The following DOCK3 variants were observed in gnomAD, a reference collection of about 807,000 sequenced individuals.
DOCK3 encodes the protein dedicator of cytokinesis 3.
Under a neutral mutation model 265.6 loss-of-function variants are expected in DOCK3, and 60 were observed. The observed-to-expected ratio is 0.23, with a 90% CI of 0.18 to 0.28. The LOEUF is 0.28. Ranked by LOEUF, DOCK3 falls within the 10% of genes least tolerant of loss-of-function variation. DOCK3 has a pLI of 1.00. For synonymous variants in DOCK3, 881 were observed against 938.0 expected, an observed-to-expected ratio of 0.94 and a Z score of 1.11; for missense variants, 1,981 against 2,594.3, an observed-to-expected ratio of 0.76 and a Z score of 5.14.
intron 9 of DOCK3, among the ~76,000 whole-genome samples, chr3:51,099,859 T>G (rs1421286209): frequency 1.3e-5 from 2 of 152,180 alleles, no homozygotes; most frequent in African/African-American, 4.8e-5. Flanking sequence ...AATAAGATTG[T>G]CAGGGTAGGC....
chr3:51,361,736 A>C lies in DOCK3; in HGVS notation c.5007-123A>C, dbSNP rs763942529. ...CCTCAGATGGGTATGAGCATTGACTATGGAACCCTCCAAACCGGTGGTAGC... is the reference window on the plus strand; with the variant it reads ...CCTCAGATGGGTATGAGCATTGACTCTGGAACCCTCCAAACCGGTGGTAGC... On this transcript the variant is annotated intron_variant, in intron 47 of 52. Transcript: ENST00000266037. The surrounding 1 kb of genome is among the most constrained non-coding windows in gnomAD (Gnocchi z 4.2). 20 of 1,338,540 alleles carry C rather than the reference A, an allele frequency of 1.5e-5. No homozygotes were observed. Among genetic ancestry groups the C allele is most frequent in the Non-Finnish European group, 1.5e-5 (15 of 986,568 alleles). The allele number at this position is 1,338,540 out of a possible 1,614,324, so 82.9% of individuals were successfully genotyped here.
intron 9 of DOCK3, among the ~76,000 whole-genome samples, chr3:51,107,430 G>A (rs568313498): frequency 2.0e-5 from 3 of 152,188 alleles, no homozygotes; most frequent in African/African-American, 4.8e-5. Context: ...TCAGAAGAAC[G>A]TTGAAACACA....
At chr3:51,272,612 C>T (rs965821297) in intron 24 of DOCK3, among the ~76,000 whole-genome samples, 1 of 151,718 alleles carries the variant, frequency 6.6e-6, no homozygotes, top group Non-Finnish European at 1.5e-5. Flanking sequence ...TGTGTAAGAA[C>T]AAAAATTTCT....
In DOCK3 at chr3:51,271,069, G is replaced by A. The variant is rs1042740098; in HGVS notation, c.2548+62G>A. ...AGGGGTGTCCTCCTTCCTTCCAGGGGTGATAGCAAAGTGATAATCAAAGGA... is the reference window on the plus strand; with the variant it reads ...AGGGGTGTCCTCCTTCCTTCCAGGGATGATAGCAAAGTGATAATCAAAGGA... On this transcript the variant is annotated intron_variant, in intron 24 of 52. Transcript: ENST00000266037. The A allele has an allele frequency of 2.0e-6, 3 of 1,512,032 alleles. No homozygotes were observed. The African/African-American group carries it at 4.2e-5, about 21-fold the overall frequency. The allele number at this position is 1,512,032 out of a possible 1,614,324, so 93.7% of individuals were successfully genotyped here.
chr3:50,699,354 C>G (rs2035873059), intron 1 of DOCK3, among the ~76,000 whole-genome samples: 1 of 152,006 alleles, frequency 6.6e-6, no homozygotes, highest in Non-Finnish European at 1.5e-5. Context: ...GTTGAGCCTT[C>G]CAACTTTGTG....
intron 5 of DOCK3, among the ~76,000 whole-genome samples, chr3:51,001,130 C>T (rs556753530): frequency 7.2e-5 from 11 of 152,320 alleles, no homozygotes; most frequent in African/African-American, 2.6e-4. Flanking sequence ...CTTGATTGAG[C>T]TGCCAAATAT....
chr3:50,763,822 C>G (rs2040687846), intron 1 of DOCK3, among the ~76,000 whole-genome samples: 2 of 152,014 alleles, frequency 1.3e-5, no homozygotes, highest in Admixed American at 1.3e-4. Context: ...TTGATATTTT[C>G]AAAGAACTAA....
chr3:50,701,643 G>C (rs2036047787), intron 1 of DOCK3, among the ~76,000 whole-genome samples: 1 of 152,068 alleles, frequency 6.6e-6, no homozygotes, highest in Admixed American at 6.6e-5. Context: ...TGAGGTCTTA[G>C]TCATAAAATC....
chr3:51,052,359 G>A (rs1350758205), intron 5 of DOCK3, among the ~76,000 whole-genome samples: 3 of 152,074 alleles, frequency 2.0e-5, no homozygotes, highest in Admixed American at 1.3e-4. Flanking sequence ...CAAAAAATTA[G>A]CTGGGCATGG....
intron 32 of DOCK3, among the ~76,000 whole-genome samples, chr3:51,321,621 G>C (rs946003562): frequency 6.6e-6 from 1 of 152,134 alleles, no homozygotes; most frequent in African/African-American, 2.4e-5. Flanking sequence ...AACCAGTTTA[G>C]AGAAGAACAT....
At chr3:50,878,453 A>C (rs1381227175) in intron 3 of DOCK3, among the ~76,000 whole-genome samples, 1 of 152,232 alleles carries the variant, frequency 6.6e-6, no homozygotes, top group Non-Finnish European at 1.5e-5. Context: ...ATGGAGCTGA[A>C]AACCATGGCA....
chr3:50,794,638 G>C (rs953201226), intron 2 of DOCK3, among the ~76,000 whole-genome samples: 1 of 152,120 alleles, frequency 6.6e-6, no homozygotes, highest in African/African-American at 2.4e-5. Context: ...ATGTGACATG[G>C]ATCTCTCGAA....
rs889121039 is a variant in DOCK3 at position 50,900,785 on chromosome 3, CCT to C, written c.218+10705_218+10706del. 1.6e-4 allele frequency: 70 copies of C among 429,630 alleles called. No homozygotes were observed. In the Admixed American group the frequency reaches 1.8e-3, roughly 11 times the overall value. The allele number at this position is 429,630 out of a possible 1,614,324, so 26.6% of individuals were successfully genotyped here. On this transcript the variant is annotated intron_variant, in intron 4 of 52. Transcript: ENST00000266037. ...CAGGAGGTCCACTTCAGACCCTGCCCCTGTTTGCCTGGGTATCACCAGCGGAG... is the reference window on the plus strand; with the variant it reads ...CAGGAGGTCCACTTCAGACCCTGCCCGTTTGCCTGGGTATCACCAGCGGAG...
chr3:51,185,703 A>T (rs1003146047), intron 12 of DOCK3, among the ~76,000 whole-genome samples: 2 of 152,032 alleles, frequency 1.3e-5, no homozygotes, highest in African/African-American at 4.8e-5. Flanking sequence ...TAATTGAATC[A>T]TGGGGGCGGG....
intron 2 of DOCK3, among the ~76,000 whole-genome samples, chr3:50,812,419 G>T (rs973291551): frequency 1.3e-5 from 2 of 152,178 alleles, no homozygotes; most frequent in Non-Finnish European, 2.9e-5. Flanking sequence ...GAAGCGTTTT[G>T]TGTGTGTGTA....
chr3:50,847,582 A>T (rs1403943485), intron 3 of DOCK3, among the ~76,000 whole-genome samples: 3 of 151,984 alleles, frequency 2.0e-5, no homozygotes, highest in African/African-American at 7.3e-5. Flanking sequence ...TGTCAGTGGG[A>T]TATTGAAATC....
chr3:50,769,841 C>G (rs1283172009), intron 1 of DOCK3, among the ~76,000 whole-genome samples: 2 of 149,220 alleles, frequency 1.3e-5, no homozygotes, highest in East Asian at 3.9e-4. Context: ...AAGTTTTAGC[C>G]AGAGCAATTA....
chr3:51,299,966 T>C (rs140796661), intron 27 of DOCK3, among the ~76,000 whole-genome samples: 1 of 152,362 alleles, frequency 6.6e-6, no homozygotes, highest in East Asian at 1.9e-4. Context: ...AATGGTAGTT[T>C]AATGGGAATA....
At chr3:51,308,605 C>G (rs2109484582) in intron 27 of DOCK3, among the ~76,000 whole-genome samples, 1 of 152,342 alleles carries the variant, frequency 6.6e-6, no homozygotes, top group Admixed American at 6.5e-5. Flanking sequence ...TGAAAAGTCT[C>G]CCACGTCTAC....
Sources: allele counts gnomAD v4.1 joint callset (sites outside exome capture counted in the v4.1 genomes callset), GRCh38; gene constraint gnomAD v4.1.1; non-coding constraint Gnocchi (gnomAD v3.1); transcripts MANE v1.5; gene names NCBI Gene and HGNC (gene_info 2026-07-23, HGNC 2026-07-21).